Variants in NAV3 observed in about 807,000 individuals in gnomAD.
NAV3 encodes pore membrane and/or filament interacting like protein 1.
In NAV3, 87 loss-of-function variants were observed where a neutral mutation model predicts 244.7. That is an observed-to-expected ratio of 0.36 (90% confidence interval 0.30 to 0.42). The LOEUF is 0.42. Ranked by LOEUF, NAV3 falls within the 20% of genes least tolerant of loss-of-function variation. The pLI is 1.00. For missense variants in NAV3, 2,663 were observed against 2,893.3 expected, an observed-to-expected ratio of 0.92 and a Z score of 1.83; for synonymous variants, 1,126 against 1,042.2, an observed-to-expected ratio of 1.08 and a Z score of -1.55.
intron 5 of NAV3, among the ~76,000 whole-genome samples, chr12:77,973,594 C>A (rs1428133913): frequency 6.6e-6 from 1 of 152,112 alleles, no homozygotes; most frequent in African/African-American, 2.4e-5. Context: ...CCCTACCACA[C>A]ACATTGCTTT....
chr12:77,951,620 G>A (rs1045868436), intron 3 of NAV3, among the ~76,000 whole-genome samples: 10 of 152,170 alleles, frequency 6.6e-5, no homozygotes, highest in African/African-American at 1.4e-4. Flanking sequence ...ACATGCACAC[G>A]TATGTTCATT....
At chr12:77,921,846 A>G (rs1887736824) in intron 1 of NAV3, among the ~76,000 whole-genome samples, 1 of 152,148 alleles carries the variant, frequency 6.6e-6, no homozygotes, top group African/African-American at 2.4e-5. Context: ...TAGCTCTGTG[A>G]CTTGCTACTT....
intron 2 of NAV3, among the ~76,000 whole-genome samples, chr12:77,786,629 C>T (rs1412340461): frequency 1.3e-5 from 2 of 152,136 alleles, no homozygotes; most frequent in African/African-American, 4.8e-5. Context: ...TAGATAGGAG[C>T]TGGACACTTG....
At chr12:77,614,278 G>T (rs1281464713) in intron 2 of NAV3, among the ~76,000 whole-genome samples, 1 of 151,594 alleles carries the variant, frequency 6.6e-6, no homozygotes, top group Non-Finnish European at 1.5e-5. Context: ...GTCCTCTGGG[G>T]AGTGAAATTG....
rs145561905 is a variant in NAV3 at position 77,820,945 on chromosome 12, A to G, written c.73-119374A>G. On this transcript the variant is annotated intron_variant, in intron 2 of 8. Coordinates refer to the NAV3 transcript ENST00000550042. ...TCAGATCTTATGTTTTCATTATCATACTTTCTAATTTCCTATTCTTTTTTA... is the reference window on the plus strand; with the variant it reads ...TCAGATCTTATGTTTTCATTATCATGCTTTCTAATTTCCTATTCTTTTTTA... Among the ~76,000 whole-genome samples the G allele has an allele frequency of 1.5e-3, 229 of 152,246 alleles. 1 individual carries two copies. The highest frequency in any genetic ancestry group is 5.1e-3 in the African/African-American group (214 of 41,564).
At chr12:78,156,301 G>T (rs1488012083) in intron 22 of NAV3, among the ~76,000 whole-genome samples, 1 of 151,926 alleles carries the variant, frequency 6.6e-6, no homozygotes, top group African/African-American at 2.4e-5. Context: ...AAGATCAGAT[G>T]GTTGTAGGTG....
chr12:77,907,882 G>A (rs1422736775), intron 1 of NAV3, among the ~76,000 whole-genome samples: 1 of 152,014 alleles, frequency 6.6e-6, no homozygotes, highest in African/African-American at 2.4e-5. Flanking sequence ...TCTACATAAC[G>A]TTACATGTGT....
chr12:77,948,150 T>C (rs749545584), intron 3 of NAV3, among the ~76,000 whole-genome samples: 11 of 152,032 alleles, frequency 7.2e-5, no homozygotes, highest in Non-Finnish European at 1.5e-4. Context: ...CAACATGAAA[T>C]CATTTCGTTG....
chr12:77,739,797 A>C (rs1328916066), intron 2 of NAV3, among the ~76,000 whole-genome samples: 2 of 152,200 alleles, frequency 1.3e-5, no homozygotes, highest in Non-Finnish European at 2.9e-5. Flanking sequence ...GAATAATGTC[A>C]GATGATGGAA....
chr12:77,598,667 A>G (rs997281380), intron 2 of NAV3, among the ~76,000 whole-genome samples: 3 of 151,950 alleles, frequency 2.0e-5, no homozygotes, highest in Admixed American at 6.6e-5. Flanking sequence ...GGAAACCATT[A>G]CCAGAATCAA....
At chr12:77,797,444 A>ATT (rs1440293657) in intron 2 of NAV3, among the ~76,000 whole-genome samples, 2 of 148,608 alleles carry the variant, frequency 1.3e-5, no homozygotes, top group African/African-American at 5.0e-5. Context: ...TTTATTATAT[A>ATT]TTTTGGGCAA....
rs938885578 is a variant in NAV3, at chr12:78,200,671, T to C, written c.6834+80T>C. The C allele has an allele frequency of 2.5e-5, 19 of 747,666 alleles. No homozygotes were observed. The African/African-American group carries it at 2.9e-4, about 11-fold the overall frequency. The allele number at this position is 747,666 out of a possible 1,614,324, so 46.3% of individuals were successfully genotyped here. A position where few individuals can be genotyped will look rare whatever the true frequency, so the allele number is the denominator to read the frequency against. ...ATTACTTTAAAAGCAAAAAAAAATATCTGGGTATTTATGCAGAAAACTAAA... is the reference window on the plus strand; with the variant it reads ...ATTACTTTAAAAGCAAAAAAAAATACCTGGGTATTTATGCAGAAAACTAAA... On this transcript the variant is annotated intron_variant, in intron 38 of 39. Transcript: ENST00000397909.
chr12:77,719,175 G>A (rs1428203566), intron 2 of NAV3, among the ~76,000 whole-genome samples: 1 of 152,098 alleles, frequency 6.6e-6, no homozygotes, highest in African/African-American at 2.4e-5. Context: ...TCTGTAGTTT[G>A]CAACTTTACT....
At chr12:78,019,555 GA>G (rs1876804896) in intron 8 of NAV3, among the ~76,000 whole-genome samples, 1 of 152,166 alleles carries the variant, frequency 6.6e-6, no homozygotes, top group Admixed American at 6.5e-5. Flanking sequence ...GACTTTGCCT[GA>G]TGAGCGAAAT....
In NAV3 at chr12:78,049,223, T is replaced by G. The variant is rs140813489; in HGVS notation, c.2024-770T>G. Among the ~76,000 whole-genome samples the G allele has an allele frequency of 9.9e-3, 1,502 of 151,612 alleles. 9 individuals are homozygous for G. Among genetic ancestry groups the G allele is most frequent in the Non-Finnish European group, 0.017 (1,132 of 67,834 alleles). On this transcript the variant is annotated intron_variant, in intron 9 of 39. Transcript: ENST00000397909. ...GGCTTCAGCCCCCTTTCCAGGTGAG[T>G]GGATGGTTCTGTCTCACTGGCATTC...
intron 23 of NAV3, among the ~76,000 whole-genome samples, chr12:78,163,970 T>C (rs889073915): frequency 6.6e-6 from 1 of 152,112 alleles, no homozygotes; most frequent in Admixed American, 6.6e-5. Flanking sequence ...TGTACCACTC[T>C]TGTCAGAATC....
chr12:77,998,431 A>C lies in NAV3; in HGVS notation c.835A>C (p.Ile279Leu), dbSNP rs1237391283. 6 of 1,612,262 alleles carry C rather than the reference A, an allele frequency of 3.7e-6. No homozygotes were observed. The highest frequency in any genetic ancestry group is 5.1e-6 in the Non-Finnish European group (6 of 1,179,082). Residue 279 changes from isoleucine to leucine, a missense_variant, in exon 7 of 40, where the codon ATT becomes CTT. Physicochemically the swap from Ile to Leu is conservative, Grantham distance 5 (BLOSUM62 2). Transcript: ENST00000397909. Reference sequence around the variant, plus strand: ...TAGGAGAAGTCAGAGCTTTAACAGCATTGACAAAAACAAGCCTCCAAATTA... The same window carrying C: ...TAGGAGAAGTCAGAGCTTTAACAGCCTTGACAAAAACAAGCCTCCAAATTA... ...LNRRSQSFNS[I>L]DKNKPPNYAN...
chr12:77,687,273 G>C (rs1874797655), intron 2 of NAV3, among the ~76,000 whole-genome samples: 1 of 152,064 alleles, frequency 6.6e-6, no homozygotes, highest in African/African-American at 2.4e-5. Flanking sequence ...TTTATTGCCT[G>C]AGATCTGATA....
intron 12 of NAV3, among the ~76,000 whole-genome samples, chr12:78,077,079 T>A (rs956424319): frequency 1.3e-5 from 2 of 152,108 alleles, no homozygotes; most frequent in Non-Finnish European, 2.9e-5. Flanking sequence ...TATATAAATA[T>A]TTTCTGAAAA....
Sources: gnomAD v4.1 joint callset for allele counts (sites outside exome capture counted in the v4.1 genomes callset) on GRCh38, gnomAD v4.1.1 for gene constraint, MANE v1.5 for transcripts, NCBI Gene and HGNC (gene_info 2026-07-23, HGNC 2026-07-21) for gene names.